Variants in C1orf54 observed in about 807,000 individuals in gnomAD.
The protein encoded by C1orf54 is uncharacterized protein C1orf54.
Under a neutral mutation model 14.7 loss-of-function variants are expected in C1orf54, and 12 were observed. The ratio of observed to expected loss-of-function variants is 0.82; its 90% CI spans 0.52 to 1.32. The LOEUF is 1.32. Ranked by LOEUF, C1orf54 falls within the 40% of genes most tolerant of loss-of-function variation. C1orf54 has a pLI of 0.00. For missense variants in C1orf54, 163 were observed against 162.2 expected, an observed-to-expected ratio of 1.00 and a Z score of -0.03; for synonymous variants, 65 against 56.3, an observed-to-expected ratio of 1.16 and a Z score of -0.70.
chr1:150,272,962 G>A, intron 1 of C1orf54, 99 bp downstream of exon 1: 2 of 1,325,482 alleles, frequency 1.5e-6, no homozygotes, highest in East Asian at 2.3e-5. Flanking sequence ...ACATTTCAGT[G>A]GGGAGCGATA....
chr1:150,271,726 C>T (rs140615339), upstream of C1orf54, among the ~76,000 whole-genome samples: 111 of 152,286 alleles, frequency 7.3e-4, no homozygotes, highest in Admixed American at 2.0e-3. Flanking sequence ...ACCTGTAGGA[C>T]GGAATGAAGG....
Position 150,276,570 on chromosome 1 carries a change from C to T in C1orf54, c.238C>T (p.Leu80Phe). ...ITEAIETTISLETARADHPKP... is the reference protein window; with the variant it reads ...ITEAIETTISFETARADHPKP... ...AGAAGCAATAGAGACTACCATTAGTCTTGAAACAGCACGTGCAGACCATCC... is the reference window on the plus strand; with the variant it reads ...AGAAGCAATAGAGACTACCATTAGTTTTGAAACAGCACGTGCAGACCATCC... The change falls in exon 4 of 6, where the codon CTT becomes TTT. Residue 80 changes from leucine (L) to phenylalanine (F), a missense_variant. Coordinates refer to ENST00000369099, the MANE Select transcript of C1orf54 (RefSeq NM_024579.4). The T allele has an allele frequency of 1.9e-6, 3 of 1,614,110 alleles. No homozygotes were observed. Among genetic ancestry groups the T allele is most frequent in the Non-Finnish European group, 1.7e-6 (2 of 1,180,032 alleles).
chr1:150,275,907 C>T lies in C1orf54; in HGVS notation c.189+108C>T, dbSNP rs1652608587. 9.8e-6 allele frequency: 9 copies of T among 921,428 alleles called. No individual in the cohort carries two copies. Among genetic ancestry groups the T allele is most frequent in the African/African-American group, 1.7e-5 (1 of 59,072 alleles). 57.1% of individuals were successfully genotyped at this position (921,428 alleles called of 1,614,324 possible). A position where few individuals can be genotyped will look rare whatever the true frequency, so the allele number is the denominator to read the frequency against. On this transcript the variant is annotated intron_variant, in intron 3 of 5. Transcript: ENST00000369099. The stretch of plus-strand genomic sequence containing the variant: ...ATCCCAGCACTTTGGGAGGCCAAGG[C>T]GAGTGGATCATTTGAGGTCAAGAGT...
intron 5 of C1orf54, 116 bp downstream of exon 5, chr1:150,279,857 A>G: frequency 1.1e-6 from 1 of 876,832 alleles, no homozygotes; most frequent in Admixed American, 2.4e-5. Context: ...AGCCTGGTCA[A>G]TTATCAGCCA....
intron 4 of C1orf54, among the ~76,000 whole-genome samples, chr1:150,276,941 G>GA (rs35787821): frequency 0.65 from 99,440 of 152,096 alleles, 34,503 homozygotes; most frequent in African/African-American, 0.9. Flanking sequence ...TGTCCTCAAG[G>GA]ATTTATAAAA....
In C1orf54 at chr1:150,273,664, G is replaced by A. The variant is rs189113571; in HGVS notation, c.47-423G>A. Among the ~76,000 whole-genome samples the A allele has an allele frequency of 1.8e-3, 271 of 152,298 alleles. 1 individual carries two copies. The highest frequency in any genetic ancestry group is 2.8e-3 in the Non-Finnish European group (193 of 68,024). ...AAGCTCAAATCCAAAGCCTAAGGGT[G>A]TATGTTAGTTATTTGTAAGAGATAC... is the stretch of plus-strand genomic sequence containing the variant. On this transcript the variant is annotated intron_variant, in intron 1 of 5. Coordinates refer to ENST00000369099, the MANE Select transcript of C1orf54 (RefSeq NM_024579.4).
In C1orf54 at chr1:150,276,585, G is replaced by A. The variant is rs1045267414; in HGVS notation, c.253G>A (p.Ala85Thr). Residue 85 changes from alanine (A) to threonine (T), a missense_variant, in exon 4 of 6, where the codon GCA becomes ACA. Physicochemically the swap from Ala to Thr is moderately conservative, Grantham distance 58 (BLOSUM62 0). Coordinates refer to ENST00000369099, the MANE Select transcript of C1orf54 (RefSeq NM_024579.4). ...ETTISLETAR[A>T]DHPKPVTVKP... ...TACCATTAGTCTTGAAACAGCACGT[G>A]CAGACCATCCGAAGCCTGTAACTGT... is the stretch of plus-strand genomic sequence containing the variant. The A allele has an allele frequency of 1.2e-6, 2 of 1,614,040 alleles. No individual in the cohort carries two copies. Among genetic ancestry groups the A allele is most frequent in the African/African-American group, 2.7e-5 (2 of 74,914 alleles).
intron 1 of C1orf54, 110 bp from the exon 2 acceptor site, chr1:150,273,977 G>A (rs1247535249): frequency 2.5e-5 from 18 of 712,376 alleles, no homozygotes; most frequent in African/African-American, 7.1e-5. Flanking sequence ...GAGAGAGAGA[G>A]AAAAGAAAGA....
At chr1:150,270,500 A>G (rs1652117043), upstream of C1orf54, among the ~76,000 whole-genome samples, 1 of 152,004 alleles carries the variant, frequency 6.6e-6, no homozygotes, top group Non-Finnish European at 1.5e-5. Flanking sequence ...AAAATTAGCC[A>G]GGCATGGTGG....
chr1:150,270,639 T>A (rs587625986), upstream of C1orf54, among the ~76,000 whole-genome samples: 10 of 151,414 alleles, frequency 6.6e-5, no homozygotes, highest in South Asian at 2.1e-3. Context: ...CAAGACTCTG[T>A]CTCTGAAAAA....
upstream of C1orf54, among the ~76,000 whole-genome samples, chr1:150,269,835 G>C (rs1652072998): frequency 6.6e-6 from 1 of 152,048 alleles, no homozygotes; most frequent in South Asian, 2.1e-4. Flanking sequence ...CCAGGAGTTT[G>C]AGACCAGCCT....
Position 150,274,176 on chromosome 1 carries a change from T to G in C1orf54, c.130+6T>G. 1 of 1,597,470 alleles carries G rather than the reference T, an allele frequency of 6.3e-7. No homozygotes were observed. The highest frequency in any genetic ancestry group is 8.6e-7 in the Non-Finnish European group (1 of 1,165,072). On this transcript the variant is annotated splice_donor_region_variant and intron_variant, in intron 2 of 5. Transcript: ENST00000369099. ...TACAGTCACCCCCAGTTATGGTGAG[T>G]ACATGAAAGGCTCTTGCCCTTAGCC...
chr1:150,275,905 G>A (rs1199304041), intron 3 of C1orf54, 106 bp downstream of exon 3: 5 of 953,706 alleles, frequency 5.2e-6, no homozygotes, highest in Non-Finnish European at 8.0e-6. Flanking sequence ...GGGAGGCCAA[G>A]GCGAGTGGAT....
At chr1:150,274,063 G>T in intron 1 of C1orf54, 24 bp from the exon 2 acceptor site, 1 of 1,554,884 alleles carries the variant, frequency 6.4e-7, no homozygotes, top group South Asian at 1.1e-5. Flanking sequence ...GATGTCCCTT[G>T]ACCTCTAGTC....
chr1:150,272,741 A>T, upstream of C1orf54: 1 of 1,462,630 alleles, frequency 6.8e-7, no homozygotes, highest in Non-Finnish European at 9.6e-7. Context: ...TTGGAGGAGG[A>T]GGGGAGGCGG....
intron 1 of C1orf54, 80 bp downstream of exon 1, chr1:150,272,943 G>A (rs1652320841): frequency 1.4e-6 from 2 of 1,474,742 alleles, no homozygotes. Flanking sequence ...TGAGGAGTGG[G>A]TGAGAGGTAC....
chr1:150,274,057 T>C (rs781802016), intron 1 of C1orf54, 30 bp from the exon 2 acceptor site: 2 of 1,512,400 alleles, frequency 1.3e-6, no homozygotes, highest in East Asian at 4.5e-5. Context: ...GTTCCAGATG[T>C]CCCTTGACCT....
At chr1:150,268,869 G>A, upstream of C1orf54, 4 of 1,491,532 alleles carry the variant, frequency 2.7e-6, no homozygotes, top group Middle Eastern at 1.8e-4. Context: ...TGGGAGGGGC[G>A]CGCCAGCTGG....
upstream of C1orf54, chr1:150,268,895 TGGCAA>T: frequency 3.2e-6 from 4 of 1,234,358 alleles, no homozygotes; most frequent in African/African-American, 1.5e-5. Context: ...CCGCGTGGGG[TGGCAA>T]CGCGACCCCA....
Sources: allele counts gnomAD v4.1 joint callset (sites outside exome capture counted in the v4.1 genomes callset), GRCh38; gene constraint gnomAD v4.1.1; transcripts MANE v1.5; gene names NCBI Gene and HGNC (gene_info 2026-07-23, HGNC 2026-07-21).